The following SUCLG2 variants were observed in gnomAD, a reference collection of about 807,000 sequenced individuals.
SUCLG2 encodes succinate-CoA ligase GDP-forming subunit beta, also known as succinate--CoA ligase [GDP-forming] subunit beta, mitochondrial.
SUCLG2 carries 42 observed loss-of-function variants against 47.9 expected under a neutral mutation model. The observed-to-expected ratio is 0.88, with a 90% CI of 0.69 to 1.14. The LOEUF is 1.14. Among genes scored for constraint, SUCLG2 ranks in the 50% most tolerant of loss-of-function variants. SUCLG2 has a pLI of 0.00. For synonymous variants in SUCLG2, 195 were observed against 197.3 expected (o/e 0.99, Z 0.10); for missense variants, 571 against 525.9 (o/e 1.09, Z -0.84).
At chr3:67,379,283 G>C (rs1170722097) in intron 10 of SUCLG2, among the ~76,000 whole-genome samples, 2 of 152,080 alleles carry the variant, frequency 1.3e-5, no homozygotes, top group African/African-American at 4.8e-5. Flanking sequence ...ACGTAGACTA[G>C]GCCCTTCTTC....
At chr3:67,437,893 A>G (rs1376755937) in intron 9 of SUCLG2, among the ~76,000 whole-genome samples, 1 of 152,130 alleles carries the variant, frequency 6.6e-6, no homozygotes, top group African/African-American at 2.4e-5. Flanking sequence ...GGTTTTAAGG[A>G]TATGTCCATC....
At chr3:67,613,378 G>A (rs571721750) in intron 1 of SUCLG2, among the ~76,000 whole-genome samples, 1 of 152,292 alleles carries the variant, frequency 6.6e-6, no homozygotes, top group South Asian at 2.1e-4. Flanking sequence ...CAGGGGTAAA[G>A]ACCAAATATG....
intron 1 of SUCLG2, among the ~76,000 whole-genome samples, chr3:67,612,171 C>T (rs186818001): frequency 1.6e-4 from 25 of 152,182 alleles, no homozygotes; most frequent in Admixed American, 1.6e-3. Flanking sequence ...CTAGCCTGGG[C>T]AACATAGTGA....
chr3:67,608,365 C>G (rs1575813099), intron 2 of SUCLG2, among the ~76,000 whole-genome samples: 1 of 152,280 alleles, frequency 6.6e-6, no homozygotes, highest in East Asian at 1.9e-4. Context: ...AAGCAACATC[C>G]CATGTGCTGC....
chr3:67,523,597 A>T (rs1032936136), intron 4 of SUCLG2, among the ~76,000 whole-genome samples: 5 of 152,216 alleles, frequency 3.3e-5, no homozygotes, highest in African/African-American at 9.7e-5. Flanking sequence ...CTTGTCGTTT[A>T]TAGAAATAAC....
chr3:67,378,447 A>C (rs59624407), intron 10 of SUCLG2, among the ~76,000 whole-genome samples: 23,337 of 152,208 alleles, frequency 0.15, 1,959 homozygotes, highest in Middle Eastern at 0.25. Flanking sequence ...CTGAGGGCAA[A>C]CTCTGGCCAA....
intron 2 of SUCLG2, among the ~76,000 whole-genome samples, chr3:67,550,650 CATCT>C (rs1212264397): frequency 1.3e-5 from 2 of 152,184 alleles, no homozygotes; most frequent in African/African-American, 4.8e-5. Context: ...TTTCTGTGTA[CATCT>C]GTCTTACCAA....
intron 2 of SUCLG2, among the ~76,000 whole-genome samples, chr3:67,591,708 G>A (rs1217888359): frequency 1.3e-5 from 2 of 152,056 alleles, no homozygotes; most frequent in Non-Finnish European, 2.9e-5. Flanking sequence ...TCCCAGTCTC[G>A]GGTATGTCTT....
intron 2 of SUCLG2, among the ~76,000 whole-genome samples, chr3:67,535,275 G>T (rs545647013): frequency 6.6e-6 from 1 of 152,022 alleles, no homozygotes; most frequent in Non-Finnish European, 1.5e-5. Flanking sequence ...TATAGGAATC[G>T]AAGCTTGCAC....
At chr3:67,638,986 T>A (rs1318189081) in intron 1 of SUCLG2, among the ~76,000 whole-genome samples, 1 of 152,138 alleles carries the variant, frequency 6.6e-6, no homozygotes, top group African/African-American at 2.4e-5. Flanking sequence ...AAAAAAAAAT[T>A]ATCTAGATTA....
intron 1 of SUCLG2, 148 bp downstream of exon 1, chr3:67,654,355 T>C: frequency 1.7e-6 from 1 of 573,596 alleles, no homozygotes. Flanking sequence ...CTGCTGCGCC[T>C]GGACCCGGCG....
At chr3:67,508,233 G>A (rs1475365289) in intron 7 of SUCLG2, among the ~76,000 whole-genome samples, 1 of 152,052 alleles carries the variant, frequency 6.6e-6, no homozygotes, top group Non-Finnish European at 1.5e-5. Flanking sequence ...AGAACACAAG[G>A]TGAAATTATA....
At chr3:67,470,347 G>C (rs376116330) in intron 9 of SUCLG2, among the ~76,000 whole-genome samples, 1 of 152,016 alleles carries the variant, frequency 6.6e-6, no homozygotes, top group Admixed American at 6.5e-5. Context: ...TATTTCTCTC[G>C]TATACTTCAG....
At chr3:67,651,323 A>C (rs1009902639) in intron 1 of SUCLG2, among the ~76,000 whole-genome samples, 1 of 151,844 alleles carries the variant, frequency 6.6e-6, no homozygotes, top group Non-Finnish European at 1.5e-5. Flanking sequence ...GTCTACTACC[A>C]CTTTCCCCCT....
At chr3:67,653,427 G>A (rs1237137414) in intron 1 of SUCLG2, among the ~76,000 whole-genome samples, 1 of 152,148 alleles carries the variant, frequency 6.6e-6, no homozygotes, top group African/African-American at 2.4e-5. Flanking sequence ...CAGAGAAATG[G>A]GGAGGCAGGA....
At chr3:67,381,121 G>A (rs978135497) in intron 10 of SUCLG2, among the ~76,000 whole-genome samples, 1 of 152,056 alleles carries the variant, frequency 6.6e-6, no homozygotes. Flanking sequence ...AGGCTGCAGT[G>A]AGCTGTGATT....
At chr3:67,456,980 G>C (rs944718461) in intron 9 of SUCLG2, among the ~76,000 whole-genome samples, 1 of 152,066 alleles carries the variant, frequency 6.6e-6, no homozygotes, top group Non-Finnish European at 1.5e-5. Context: ...AATTATGAAT[G>C]CATAATTTTT....
downstream of SUCLG2, among the ~76,000 whole-genome samples, chr3:67,371,966 C>T (rs566301904): frequency 1.1e-4 from 17 of 152,198 alleles, no homozygotes; most frequent in African/African-American, 3.4e-4. Context: ...AGGTAAAGTT[C>T]CTGGCACACA....
Position 67,375,741 on chromosome 3 carries a change from A to G in SUCLG2, c.*3T>C, listed in dbSNP as rs756190494. 1.9e-6 allele frequency: 3 copies of G among 1,611,986 alleles called. No individual in the cohort carries two copies. The highest frequency in any genetic ancestry group is 1.7e-6 in the Non-Finnish European group (2 of 1,179,436). On this transcript the variant is annotated 3_prime_UTR_variant, in exon 11 of 11. Coordinates refer to ENST00000307227, the MANE Select transcript of SUCLG2 (RefSeq NM_003848.4). ...CTTTCTCCATTGGATCAGGACAAAG[A>G]CATCACTTCTTGGCCACACTGGCCA... is the stretch of plus-strand genomic sequence containing the variant.
Sources: gnomAD v4.1 joint callset for allele counts (sites outside exome capture counted in the v4.1 genomes callset) on GRCh38, gnomAD v4.1.1 for gene constraint, MANE v1.5 for transcripts, NCBI Gene and HGNC (gene_info 2026-07-23, HGNC 2026-07-21) for gene names.